Variants in MUC13 observed in about 807,000 individuals in gnomAD.
MUC13 encodes the protein mucin 13, cell surface associated.
Under a neutral mutation model 48.3 loss-of-function variants are expected in MUC13, and 32 were observed. That is an observed-to-expected ratio of 0.66 (90% confidence interval 0.50 to 0.89). The LOEUF is 0.89. Among genes scored for constraint, MUC13 ranks in the 40% least tolerant of loss-of-function variants. MUC13 has a pLI of 0.00. For missense variants in MUC13, 571 were observed against 622.8 expected (o/e 0.92, Z 0.88); for synonymous variants, 199 against 224.9 (o/e 0.88, Z 1.03).
chr3:124,931,785 C>T (rs1935802930), intron 1 of MUC13, among the ~76,000 whole-genome samples: 1 of 150,934 alleles, frequency 6.6e-6, no homozygotes, highest in Non-Finnish European at 1.5e-5. Flanking sequence ...TGGCTCACGC[C>T]TGTAATCCCA....
At chr3:124,918,781 TA>T (rs1372077212) in intron 5 of MUC13, among the ~76,000 whole-genome samples, 6 of 152,146 alleles carry the variant, frequency 3.9e-5, no homozygotes, top group Non-Finnish European at 8.8e-5. Flanking sequence ...TATTGTCCAC[TA>T]AACCAAACCT....
At chr3:124,925,466 G>A (rs1935671466) in intron 2 of MUC13, among the ~76,000 whole-genome samples, 1 of 152,184 alleles carries the variant, frequency 6.6e-6, no homozygotes, top group Non-Finnish European at 1.5e-5. Flanking sequence ...ATAATGATGT[G>A]TCACTGGAGG....
chr3:124,912,996 C>A, intron 8 of MUC13, 115 bp downstream of exon 8: 2 of 1,142,786 alleles, frequency 1.8e-6, no homozygotes, highest in African/African-American at 1.6e-5. Flanking sequence ...CTGTCTCTAC[C>A]AACCTATGAC....
intron 3 of MUC13, among the ~76,000 whole-genome samples, chr3:124,922,962 G>C (rs1321196726): frequency 6.6e-6 from 1 of 152,122 alleles, no homozygotes; most frequent in East Asian, 1.9e-4. Flanking sequence ...AAATCCCCAG[G>C]AGTGAGATTA....
At chr3:124,934,592 G>T in intron 1 of MUC13, 69 bp downstream of exon 1, 4 of 1,079,278 alleles carry the variant, frequency 3.7e-6, no homozygotes. Flanking sequence ...GGTAGCTATA[G>T]GCCTGCTGAT....
chr3:124,911,555 A>G (rs910599258), intron 9 of MUC13, among the ~76,000 whole-genome samples: 25 of 150,422 alleles, frequency 1.7e-4, no homozygotes, highest in African/African-American at 6.1e-4. Context: ...TTAGTTCATT[A>G]TGTAAATTTT....
chr3:124,909,628 G>A (rs571486510), intron 10 of MUC13, among the ~76,000 whole-genome samples: 91 of 151,888 alleles, frequency 6.0e-4, no homozygotes, highest in African/African-American at 2.1e-3. Context: ...TCAGCCTCCT[G>A]AGTAGCAGGA....
At chr3:124,919,335 C>T (rs1215249579) in intron 5 of MUC13, among the ~76,000 whole-genome samples, 1 of 95,432 alleles carries the variant, frequency 1.0e-5, no homozygotes, top group Non-Finnish European at 2.1e-5. Context: ...GAGATTCCAT[C>T]TCAAAAAAAA....
intron 4 of MUC13, among the ~76,000 whole-genome samples, chr3:124,921,395 C>T (rs1579367881): frequency 1.3e-5 from 2 of 152,158 alleles, no homozygotes; most frequent in Non-Finnish European, 2.9e-5. Flanking sequence ...AAGTAATCTG[C>T]CCGCCTCATC....
chr3:124,911,486 T>C (rs1935418510), intron 9 of MUC13, among the ~76,000 whole-genome samples: 1 of 152,228 alleles, frequency 6.6e-6, no homozygotes. Context: ...CTCATCACTA[T>C]CTTCATGGCT....
chr3:124,916,554 C>A, intron 5 of MUC13, 74 bp from the exon 6 acceptor site: 1 of 1,464,764 alleles, frequency 6.8e-7, no homozygotes, highest in Non-Finnish European at 9.3e-7. Flanking sequence ...CTCCCAGACT[C>A]CCGAATCTCC....
chr3:124,929,432 G>T (rs1935755253), intron 1 of MUC13, among the ~76,000 whole-genome samples: 1 of 152,188 alleles, frequency 6.6e-6, no homozygotes, highest in African/African-American at 2.4e-5. Flanking sequence ...AAGGTTTAGT[G>T]AGGAAGCAAT....
chr3:124,929,188 T>A (rs1579372069), intron 1 of MUC13, among the ~76,000 whole-genome samples: 1 of 151,592 alleles, frequency 6.6e-6, no homozygotes, highest in Non-Finnish European at 1.5e-5. Flanking sequence ...TTATTTTTTT[T>A]TTTTAGAGAC....
chr3:124,916,489 G>T lies in MUC13; in HGVS notation c.801-9C>A, dbSNP rs2107669487. The T allele has an allele frequency of 6.2e-7, 1 of 1,605,080 alleles. No individual in the cohort carries two copies. On this transcript the variant is annotated splice_polypyrimidine_tract_variant and intron_variant, in intron 5 of 11. Coordinates refer to ENST00000616727, the MANE Select transcript of MUC13 (RefSeq NM_033049.4). Reference sequence around the variant, plus strand: ...TTGGTGACAGAGATGTGCTAAAAATGAGATGAATCTGTCACTTAATGAATT... The same window carrying T: ...TTGGTGACAGAGATGTGCTAAAAATTAGATGAATCTGTCACTTAATGAATT...
intron 1 of MUC13, among the ~76,000 whole-genome samples, chr3:124,934,401 C>A (rs536951633): frequency 6.6e-6 from 1 of 152,334 alleles, no homozygotes; most frequent in East Asian, 1.9e-4. Context: ...CTCAAGTGAT[C>A]CATCTGCCTC....
At chr3:124,909,843 T>C (rs1384175003) in intron 10 of MUC13, among the ~76,000 whole-genome samples, 3 of 152,064 alleles carry the variant, frequency 2.0e-5, no homozygotes, top group African/African-American at 7.2e-5. Flanking sequence ...GAGTTTTTAA[T>C]GACATAAGGA....
intron 8 of MUC13, among the ~76,000 whole-genome samples, chr3:124,912,800 G>T (rs1673227813): frequency 1.3e-5 from 2 of 152,034 alleles, no homozygotes; most frequent in Admixed American, 6.6e-5. Flanking sequence ...GCTGGACAGG[G>T]TGGCAGGCAC....
chr3:124,918,957 C>T (rs1210857218), intron 5 of MUC13, among the ~76,000 whole-genome samples: 1 of 152,156 alleles, frequency 6.6e-6, no homozygotes, highest in Non-Finnish European at 1.5e-5. Flanking sequence ...CAAGACCAAG[C>T]TAGAAATCCA....
chr3:124,922,265 CT>C lies in MUC13; in HGVS notation c.675del (p.Glu226LysfsTer37). ...TGTTTCTCTTCTGGGTCAAATGTTTCTGATACTGTCACTGAAATCTTCCCAG... is the reference window on the plus strand; with the variant it reads ...TGTTTCTCTTCTGGGTCAAATGTTTCGATACTGTCACTGAAATCTTCCCAG... ...VFPGKISVTV[S>X]ETFDPEEKHS... On this transcript the variant is annotated frameshift_variant, in exon 4 of 12. Coordinates refer to ENST00000616727, the MANE Select transcript of MUC13 (RefSeq NM_033049.4). LOFTEE classifies it high-confidence loss of function. 1.9e-6 allele frequency: 3 copies of C among 1,614,136 alleles called. No homozygotes were observed. The highest frequency in any genetic ancestry group is 2.2e-5 in the South Asian group (2 of 91,072).
Sources: allele counts gnomAD v4.1 joint callset (sites outside exome capture counted in the v4.1 genomes callset), GRCh38; gene constraint gnomAD v4.1.1; transcripts MANE v1.5; gene names NCBI Gene and HGNC (gene_info 2026-07-23, HGNC 2026-07-21).